CFAP77: variants seen among roughly 807,000 people sequenced by gnomAD.
The protein encoded by CFAP77 is cilia- and flagella-associated protein 77.
CFAP77 carries 25 observed loss-of-function variants against 31.1 expected under a neutral mutation model. That is an observed-to-expected ratio of 0.80 (90% CI 0.59 to 1.12). CFAP77 has a LOEUF of 1.12. Among genes scored for constraint, CFAP77 ranks in the 50% most tolerant of loss-of-function variants. The pLI is 0.00. For missense variants in CFAP77, 377 were observed against 397.3 expected (o/e 0.95, Z 0.44); for synonymous variants, 151 against 159.9 (o/e 0.94, Z 0.42).
rs144904982 is a variant in CFAP77 at position 132,548,205 on chromosome 9, C to T, written c.732+5158C>T. ...AGAGAAGCACCCGAGCATCTCTGAG[C>T]GTCTGCACAATGCCTACAGACATTC... On this transcript the variant is annotated intron_variant, in intron 5 of 5. Transcript: ENST00000393216. Among the ~76,000 whole-genome samples the T allele has an allele frequency of 3.6e-3, 505 of 141,954 alleles. 2 individuals carry two copies. Among genetic ancestry groups the T allele is most frequent in the African/African-American group, 0.012 (469 of 37,978 alleles). 93.1% of individuals were successfully genotyped at this position (141,954 alleles called of 152,430 possible).
chr9:132,440,438 ATCCTC>A (rs1215746194), intron 1 of CFAP77, among the ~76,000 whole-genome samples: 2 of 152,128 alleles, frequency 1.3e-5, no homozygotes, highest in Admixed American at 1.3e-4. Context: ...CTCTCATCAA[ATCCTC>A]TTAACAACCT....
chr9:132,545,348 C>T lies in CFAP77; in HGVS notation c.732+2301C>T, dbSNP rs1268015497. Among the ~76,000 whole-genome samples, 1 of 152,232 alleles carries T rather than the reference C, an allele frequency of 6.6e-6. No homozygotes were observed. The highest frequency in any genetic ancestry group is 1.5e-5 in the Non-Finnish European group (1 of 68,050). On this transcript the variant is annotated intron_variant, in intron 5 of 5. Transcript: ENST00000393216. The surrounding 1 kb of genome is among the most constrained non-coding windows in gnomAD (Gnocchi z 4.6). ...ATGAAAGGCAGAGGGGGAGCACCTT[C>T]CTTGCCCAGAGAGTGGCGGGGACAG...
chr9:132,495,711 C>T lies in CFAP77; in HGVS notation c.196-2984C>T, dbSNP rs538766413. Among the ~76,000 whole-genome samples the T allele has an allele frequency of 4.3e-4, 65 of 152,308 alleles. No homozygotes were observed. Among genetic ancestry groups the T allele is most frequent in the African/African-American group, 1.5e-3 (64 of 41,564 alleles). ...TCTGTGTACCCCTAAAATTCAAAAC[C>T]TAACTTTGGATGGGATGGCGTTAGC... On this transcript the variant is annotated intron_variant, in intron 1 of 5. Coordinates refer to ENST00000393216, the MANE Select transcript of CFAP77 (RefSeq NM_001282957.2). This position sits in a 1 kb window ranked among gnomAD's most constrained non-coding sequence, Gnocchi z 4.2.
chr9:132,418,060 G>A (rs1850137667), intron 1 of CFAP77, among the ~76,000 whole-genome samples: 1 of 152,238 alleles, frequency 6.6e-6, no homozygotes, highest in South Asian at 2.1e-4. Flanking sequence ...CTTATTTGGA[G>A]AGTCTGGGTA....
chr9:132,468,482 C>T (rs911829010), intron 1 of CFAP77, among the ~76,000 whole-genome samples: 2 of 152,196 alleles, frequency 1.3e-5, no homozygotes, highest in East Asian at 1.9e-4. Context: ...ACCTGCCAGC[C>T]CCTGCCCTGG....
intron 1 of CFAP77, among the ~76,000 whole-genome samples, chr9:132,443,518 G>A (rs1850654594): frequency 6.6e-6 from 1 of 152,102 alleles, no homozygotes; most frequent in Non-Finnish European, 1.5e-5. Context: ...TTCCCAAAGT[G>A]TTGGGATTAC....
chr9:132,473,707 G>A (rs544688947), intron 1 of CFAP77, among the ~76,000 whole-genome samples: 38 of 152,148 alleles, frequency 2.5e-4, no homozygotes, highest in Admixed American at 1.8e-3. Context: ...TTTTGAGACA[G>A]AGTTTCACTC....
At chr9:132,486,422 C>T (rs754688811) in intron 1 of CFAP77, among the ~76,000 whole-genome samples, 2 of 152,090 alleles carry the variant, frequency 1.3e-5, no homozygotes, top group Admixed American at 6.5e-5. Context: ...GAGGCATCAT[C>T]GCTTTTAGGG....
chr9:132,441,161 C>T (rs1850609770), intron 1 of CFAP77, among the ~76,000 whole-genome samples: 1 of 152,168 alleles, frequency 6.6e-6, no homozygotes, highest in Non-Finnish European at 1.5e-5. Context: ...TTGAGAATTT[C>T]ACCCCACAAA....
Position 132,499,560 on chromosome 9 carries a change from C to A in CFAP77, c.484C>A (p.Pro162Thr). 2 of 1,614,216 alleles carry A rather than the reference C, an allele frequency of 1.2e-6. No homozygotes were observed. Among genetic ancestry groups the A allele is most frequent in the Non-Finnish European group, 1.7e-6 (2 of 1,180,030 alleles). ...QDDRRMKKEP[P>T]PLPPNMTFGI... is the part of the protein sequence containing the mutation. ...TGACCGGCGCATGAAGAAAGAGCCG[C>A]CCCCTCTCCCTCCAAACATGACATT... is the stretch of plus-strand genomic sequence containing the variant. The change falls in exon 3 of 6, where the codon CCC becomes ACC. Residue 162 changes from proline to threonine, a missense_variant. Physicochemically the swap from Pro to Thr is conservative, Grantham distance 38. Coordinates refer to ENST00000393216, the MANE Select transcript of CFAP77 (RefSeq NM_001282957.2). This position sits in a 1 kb window ranked among gnomAD's most constrained non-coding sequence, Gnocchi z 5.4.
intron 3 of CFAP77, among the ~76,000 whole-genome samples, chr9:132,531,936 T>C (rs1329054230): frequency 6.6e-6 from 1 of 152,166 alleles, no homozygotes; most frequent in Non-Finnish European, 1.5e-5. Flanking sequence ...GCGATGGATG[T>C]ACCGGGGACT....
rs561274697 is a variant in CFAP77 at position 132,517,658 on chromosome 9, C to A, written c.524+18058C>A. On this transcript the variant is annotated intron_variant, in intron 3 of 5. Coordinates refer to ENST00000393216, the MANE Select transcript of CFAP77 (RefSeq NM_001282957.2). The surrounding 1 kb of genome is among the most constrained non-coding windows in gnomAD (Gnocchi z 4.7). The stretch of plus-strand genomic sequence containing the variant: ...AGCTCCACAAAGTTTTAATGAGCAG[C>A]GAAGATGAAGATGGGTTGCCATGAA... Among the ~76,000 whole-genome samples the A allele has an allele frequency of 6.6e-6, 1 of 152,186 alleles. No homozygotes were observed. The highest frequency in any genetic ancestry group is 6.5e-5 in the Admixed American group (1 of 15,274).
chr9:132,492,318 A>G (rs1191809367), intron 1 of CFAP77, among the ~76,000 whole-genome samples: 4 of 152,092 alleles, frequency 2.6e-5, no homozygotes, highest in Non-Finnish European at 5.9e-5. Context: ...ACAAAAAACA[A>G]AACAACAACA....
intron 1 of CFAP77, among the ~76,000 whole-genome samples, chr9:132,476,990 G>C (rs1346461004): frequency 6.6e-6 from 1 of 152,190 alleles, no homozygotes; most frequent in Non-Finnish European, 1.5e-5. Flanking sequence ...GCATGATCAG[G>C]TCTTCCCAGC....
intron 3 of CFAP77, among the ~76,000 whole-genome samples, chr9:132,533,774 G>A (rs1458277640): frequency 6.6e-6 from 1 of 152,076 alleles, no homozygotes; most frequent in Non-Finnish European, 1.5e-5. Context: ...CCAGCTACTC[G>A]GGAGGTTGAG....
At chr9:132,428,998 C>T (rs1276353796) in intron 1 of CFAP77, among the ~76,000 whole-genome samples, 4 of 151,992 alleles carry the variant, frequency 2.6e-5, no homozygotes, top group Non-Finnish European at 4.4e-5. Flanking sequence ...AGAGTGTCAC[C>T]CTGCATGTTG....
chr9:132,519,295 GATGAATGGATGGATGGGTGGGTGA>G (rs1852204875), intron 3 of CFAP77, among the ~76,000 whole-genome samples: 1 of 148,964 alleles, frequency 6.7e-6, no homozygotes, highest in South Asian at 2.2e-4. Flanking sequence ...TGGGTGGATG[GATGAATGGATGGATGGGTGGGTGA>G]ATGAATGGAT....
chr9:132,480,517 G>A lies in CFAP77; in HGVS notation c.196-18178G>A, dbSNP rs553790385. Among the ~76,000 whole-genome samples the A allele has an allele frequency of 5.0e-4, 76 of 152,294 alleles. No homozygotes were observed. The highest frequency in any genetic ancestry group is 1.8e-3 in the African/African-American group (73 of 41,558). Reference sequence around the variant, plus strand: ...ATGTGCTGAAGACCTACTGTGTGCCGGGCACCGGAGACGCCACAGCAAATG... The same window carrying A: ...ATGTGCTGAAGACCTACTGTGTGCCAGGCACCGGAGACGCCACAGCAAATG... On this transcript the variant is annotated intron_variant, in intron 1 of 5. Coordinates refer to ENST00000393216, the MANE Select transcript of CFAP77 (RefSeq NM_001282957.2). The surrounding 1 kb of genome is among the most constrained non-coding windows in gnomAD (Gnocchi z 5.8).
intron 1 of CFAP77, among the ~76,000 whole-genome samples, chr9:132,453,116 C>T (rs1752264927): frequency 1.3e-5 from 2 of 152,206 alleles, no homozygotes; most frequent in Admixed American, 1.3e-4. Context: ...ACCTGACACT[C>T]AGCCTTCACT....
Sources: gnomAD v4.1 joint callset for allele counts (sites outside exome capture counted in the v4.1 genomes callset) on GRCh38, gnomAD v4.1.1 for gene constraint, Gnocchi (gnomAD v3.1) non-coding constraint, MANE v1.5 for transcripts, NCBI Gene and HGNC (gene_info 2026-07-23, HGNC 2026-07-21) for gene names.